Variants in DNER observed in about 807,000 individuals in gnomAD.
DNER encodes the protein delta/notch like EGF repeat containing.
In DNER, 33 loss-of-function variants were observed where a neutral mutation model predicts 78.2. The observed-to-expected ratio is 0.42, with a 90% CI of 0.32 to 0.56. The LOEUF (loss-of-function observed/expected upper bound fraction) is 0.56, where lower values mean the gene tolerates loss of function less well. DNER is among the 20% of genes least tolerant of loss of function. The pLI, the probability that DNER is intolerant of heterozygous loss-of-function variation, is 0.11. For synonymous variants in DNER, 417 were observed against 384.8 expected (o/e 1.08, Z -0.98); for missense variants, 918 against 975.3 (o/e 0.94, Z 0.78).
chr2:229,674,519 T>C (rs916819463), intron 1 of DNER, among the ~76,000 whole-genome samples: 22 of 152,164 alleles, frequency 1.4e-4, no homozygotes, highest in African/African-American at 5.1e-4. Context: ...CCTCAAGTGA[T>C]CCTCCCCTCT....
intron 5 of DNER, among the ~76,000 whole-genome samples, chr2:229,525,987 G>A: frequency 6.6e-6 from 1 of 151,304 alleles, no homozygotes; most frequent in East Asian, 1.9e-4. Context: ...CTTATTAAAT[G>A]CTTGTTGATT....
At chr2:229,478,830 G>A (rs75812766) in intron 6 of DNER, among the ~76,000 whole-genome samples, 18,942 of 151,578 alleles carry the variant, frequency 0.12, 1,319 homozygotes, top group South Asian at 0.2. Flanking sequence ...TTTAAGTTCC[G>A]GGGTACCTGT....
chr2:229,427,639 A>T lies in DNER; in HGVS notation c.1487-9409T>A, dbSNP rs113325078. Among the ~76,000 whole-genome samples, 528 of 152,252 alleles carry T rather than the reference A, an allele frequency of 3.5e-3. 1 individual carries two copies. Among genetic ancestry groups the T allele is most frequent in the Admixed American group, 6.2e-3 (95 of 15,284 alleles). On this transcript the variant is annotated intron_variant, in intron 8 of 12. Coordinates refer to ENST00000341772, the MANE Select transcript of DNER (RefSeq NM_139072.4). Reference sequence around the variant, plus strand: ...CAGGAAGAGGGGAAAGTGAGCTAAGAGGGAGGGGTGTGCAGAAGAATGATG... The same window carrying T: ...CAGGAAGAGGGGAAAGTGAGCTAAGTGGGAGGGGTGTGCAGAAGAATGATG...
intron 12 of DNER, among the ~76,000 whole-genome samples, chr2:229,363,485 A>G (rs1366210175): frequency 6.6e-6 from 1 of 152,228 alleles, no homozygotes; most frequent in African/African-American, 2.4e-5. Flanking sequence ...TGGCCTCTAC[A>G]CAGCCATGCT....
chr2:229,624,944 A>G (rs1698311153), intron 1 of DNER, among the ~76,000 whole-genome samples: 1 of 152,190 alleles, frequency 6.6e-6, no homozygotes, highest in Non-Finnish European at 1.5e-5. Context: ...ATTTCCTCAG[A>G]TTTCAAATAT....
At chr2:229,635,142 G>A (rs72993235) in intron 1 of DNER, among the ~76,000 whole-genome samples, 11,182 of 151,972 alleles carry the variant, frequency 0.074, 560 homozygotes, top group African/African-American at 0.14. Context: ...GCTGCCCTGA[G>A]CACCCCTCCC....
At chr2:229,506,814 C>T (rs552249980) in intron 6 of DNER, among the ~76,000 whole-genome samples, 17 of 152,194 alleles carry the variant, frequency 1.1e-4, no homozygotes, top group Admixed American at 9.2e-4. Context: ...TGATGGTTTC[C>T]AGCTTCATCC....
intron 11 of DNER, among the ~76,000 whole-genome samples, chr2:229,380,776 T>G (rs917897374): frequency 1.3e-5 from 2 of 151,584 alleles, no homozygotes; most frequent in African/African-American, 4.9e-5. Flanking sequence ...AATACAAAAA[T>G]TAGCCAGGAG....
chr2:229,698,519 G>C (rs1008735654), intron 1 of DNER, among the ~76,000 whole-genome samples: 6 of 152,088 alleles, frequency 3.9e-5, no homozygotes, highest in Non-Finnish European at 5.9e-5. Context: ...GGAAAGCAAG[G>C]GAAGCAAGAA....
At position 229,577,847 on chromosome 2, in the gene DNER, A is replaced by C. The variant is rs536922208; in HGVS notation, c.847+8011T>G. On this transcript the variant is annotated intron_variant, in intron 4 of 12. Transcript: ENST00000341772. ...CTTCACTGCATCAGAGCTGGGAAAC[A>C]AAGATCCTTAAAAATATATAATCAA... Among the ~76,000 whole-genome samples the C allele has an allele frequency of 4.6e-5, 7 of 152,350 alleles. No homozygotes were observed. The South Asian group carries it at 8.3e-4, about 18-fold the overall frequency.
At chr2:229,431,849 T>C (rs1694014804) in intron 8 of DNER, among the ~76,000 whole-genome samples, 1 of 152,136 alleles carries the variant, frequency 6.6e-6, no homozygotes, top group Non-Finnish European at 1.5e-5. Context: ...CACAGAGGGA[T>C]GCAAATGAAT....
In DNER at chr2:229,387,893, T is replaced by TG. The variant is rs3222719; in HGVS notation, c.1855+371_1855+372insC. ...TGTGTGTGTGTGTGTGTGTGTGTGT[T>TG]TTTTAATTTTCAACACAAAGACTCT... On this transcript the variant is annotated intron_variant, in intron 11 of 12. Transcript: ENST00000341772. Among the ~76,000 whole-genome samples, 638 of 71,960 alleles carry TG rather than the reference T, an allele frequency of 8.9e-3. 8 individuals carry two copies. Among genetic ancestry groups the TG allele is most frequent in the East Asian group, 0.077 (309 of 4,016 alleles). 47.2% of individuals were successfully genotyped at this position (71,960 alleles called of 152,430 possible). A position where few individuals can be genotyped will look rare whatever the true frequency, so the allele number is the denominator to read the frequency against.
At chr2:229,653,364 T>G (rs1195492836) in intron 1 of DNER, among the ~76,000 whole-genome samples, 3 of 152,100 alleles carry the variant, frequency 2.0e-5, no homozygotes, top group African/African-American at 7.2e-5. Flanking sequence ...GAAAGCAAAT[T>G]CCGGTTTTTG....
At chr2:229,457,358 A>G (rs962735606) in intron 7 of DNER, among the ~76,000 whole-genome samples, 1 of 152,104 alleles carries the variant, frequency 6.6e-6, no homozygotes, top group Non-Finnish European at 1.5e-5. Context: ...AGGAATATAC[A>G]TAACAAGAGA....
At chr2:229,405,751 T>C (rs1260307280) in intron 10 of DNER, among the ~76,000 whole-genome samples, 1 of 152,180 alleles carries the variant, frequency 6.6e-6, no homozygotes, top group Non-Finnish European at 1.5e-5. Context: ...TTTCTGGATA[T>C]CAGAATGTAT....
intron 1 of DNER, among the ~76,000 whole-genome samples, chr2:229,710,953 CCT>C (rs1559217640): frequency 6.8e-6 from 1 of 146,824 alleles, no homozygotes; most frequent in East Asian, 2.0e-4. Flanking sequence ...TGGTTTGGAC[CCT>C]GAGACTGAAA....
At chr2:229,436,066 T>C (rs1040039000) in intron 8 of DNER, among the ~76,000 whole-genome samples, 2 of 152,172 alleles carry the variant, frequency 1.3e-5, no homozygotes, top group Admixed American at 1.3e-4. Flanking sequence ...AGGTAATAAG[T>C]ATAGTACACA....
intron 10 of DNER, among the ~76,000 whole-genome samples, 171 bp downstream of exon 10, chr2:229,407,061 C>A (rs1027469280): frequency 2.6e-5 from 4 of 152,196 alleles, no homozygotes; most frequent in African/African-American, 9.7e-5. Flanking sequence ...ATGAGGCTCA[C>A]ACAATGGGTT....
chr2:229,676,859 A>C (rs1374510290), intron 1 of DNER, among the ~76,000 whole-genome samples: 1 of 152,158 alleles, frequency 6.6e-6, no homozygotes, highest in African/African-American at 2.4e-5. Flanking sequence ...TAGGGTTTGG[A>C]TACCATGCTC....
Sources: allele counts gnomAD v4.1 joint callset (sites outside exome capture counted in the v4.1 genomes callset), GRCh38; gene constraint gnomAD v4.1.1; transcripts MANE v1.5; gene names NCBI Gene and HGNC (gene_info 2026-07-23, HGNC 2026-07-21).